Variants in MDGA2 observed in about 807,000 individuals in gnomAD.
MDGA2 encodes the protein MAM domain containing glycosylphosphatidylinositol anchor 2, also known as MAM domain-containing glycosylphosphatidylinositol anchor protein 2.
In MDGA2, 40 loss-of-function variants were observed where a neutral mutation model predicts 117.8. That is an observed-to-expected ratio of 0.34 (90% CI 0.26 to 0.44). The LOEUF (loss-of-function observed/expected upper bound fraction) is 0.44. Among genes scored for constraint, MDGA2 ranks in the 20% least tolerant of loss-of-function variants. The pLI, the probability that MDGA2 is intolerant of heterozygous loss-of-function variation, is 1.00. For synonymous variants in MDGA2, 452 were observed against 439.0 expected, an observed-to-expected ratio of 1.03 and a Z score of -0.37; for missense variants, 1,123 against 1,250.6, an observed-to-expected ratio of 0.90 and a Z score of 1.54.
At chr14:47,494,847 T>C (rs1420226445) in intron 1 of MDGA2, among the ~76,000 whole-genome samples, 1 of 150,376 alleles carries the variant, frequency 6.6e-6, no homozygotes, top group Non-Finnish European at 1.5e-5. Flanking sequence ...GAAGCATCTA[T>C]CAACTGTTGA....
chr14:47,419,187 G>C (rs972211691), intron 1 of MDGA2, among the ~76,000 whole-genome samples: 1 of 152,080 alleles, frequency 6.6e-6, no homozygotes, highest in Non-Finnish European at 1.5e-5. Flanking sequence ...AATGGCAAAG[G>C]ACTACCAAGA....
In MDGA2 at chr14:47,514,616, A is replaced by C. The variant is rs76515415; in HGVS notation, c.280+159901T>G. On this transcript the variant is annotated intron_variant, in intron 1 of 16. Coordinates refer to ENST00000399232, the MANE Select transcript of MDGA2 (RefSeq NM_001113498.3). ...CATTATATCTCATGCCTTGCAGTCC[A>C]TTTTATACAGACGGGGTCTTATTTT... 3.4e-4 allele frequency among the ~76,000 whole-genome samples: 52 copies of C among 152,232 alleles called. No homozygotes were observed. In the East Asian group the frequency reaches 9.9e-3, roughly 29 times the overall value.
chr14:47,442,728 T>A (rs1225368651), intron 1 of MDGA2, among the ~76,000 whole-genome samples: 1 of 152,116 alleles, frequency 6.6e-6, no homozygotes, highest in Non-Finnish European at 1.5e-5. Context: ...ACCACATCTG[T>A]GTATTCGAGC....
At position 47,387,251 on chromosome 14, in the gene MDGA2, G is replaced by A. The variant is rs529860978; in HGVS notation, c.281-85701C>T. Among the ~76,000 whole-genome samples the A allele has an allele frequency of 3.3e-5, 5 of 152,264 alleles. No homozygotes were observed. In the East Asian group the frequency reaches 7.7e-4, roughly 24 times the overall value. On this transcript the variant is annotated intron_variant, in intron 1 of 16. Coordinates refer to ENST00000399232, the MANE Select transcript of MDGA2 (RefSeq NM_001113498.3). ...GCATCCTTTCTTCAGTTCGCGAACA[G>A]GTTGTTTGAGACCAAGACAAACAGT...
At chr14:47,668,398 A>G (rs935487926) in intron 1 of MDGA2, among the ~76,000 whole-genome samples, 5 of 152,244 alleles carry the variant, frequency 3.3e-5, no homozygotes, top group Non-Finnish European at 5.9e-5. Flanking sequence ...CCTGGAGAAA[A>G]TAAGTTTCAC....
At chr14:47,374,267 A>G (rs970551485) in intron 1 of MDGA2, among the ~76,000 whole-genome samples, 8 of 152,130 alleles carry the variant, frequency 5.3e-5, no homozygotes, top group African/African-American at 1.7e-4. Context: ...GAGTGAAAGA[A>G]TAAATCTCAT....
chr14:47,522,470 A>G (rs1894891457), intron 1 of MDGA2, among the ~76,000 whole-genome samples: 1 of 152,144 alleles, frequency 6.6e-6, no homozygotes, highest in Non-Finnish European at 1.5e-5. Context: ...AAATAATTTT[A>G]TACATGCAGT....
At chr14:47,524,653 AT>A (rs1894935360) in intron 1 of MDGA2, among the ~76,000 whole-genome samples, 1 of 152,196 alleles carries the variant, frequency 6.6e-6, no homozygotes. Flanking sequence ...TTAATAATAT[AT>A]GTCCTGTCTT....
chr14:47,056,139 A>G (rs1357363936), intron 7 of MDGA2, among the ~76,000 whole-genome samples: 1 of 152,130 alleles, frequency 6.6e-6, no homozygotes, highest in Non-Finnish European at 1.5e-5. Flanking sequence ...AGTTTTAATC[A>G]GCAGAATTTC....
chr14:46,864,603 C>T (rs1249283813), intron 14 of MDGA2, among the ~76,000 whole-genome samples: 1 of 73,424 alleles, frequency 1.4e-5, no homozygotes, highest in African/African-American at 4.8e-5. Flanking sequence ...AACCCTGTGT[C>T]AAAAAAAAAA....
chr14:46,975,912 C>A (rs1480567121), intron 8 of MDGA2, among the ~76,000 whole-genome samples: 1 of 152,072 alleles, frequency 6.6e-6, no homozygotes, highest in Non-Finnish European at 1.5e-5. Context: ...CTCTTTTATA[C>A]AGGCACTAAT....
At chr14:47,610,887 A>G (rs922349176) in intron 1 of MDGA2, among the ~76,000 whole-genome samples, 1 of 152,142 alleles carries the variant, frequency 6.6e-6, no homozygotes, top group East Asian at 1.9e-4. Context: ...ACCAAAAAAG[A>G]GCCCGCATAG....
chr14:46,936,836 A>T (rs1179323322), intron 9 of MDGA2, among the ~76,000 whole-genome samples: 1 of 152,186 alleles, frequency 6.6e-6, no homozygotes, highest in African/African-American at 2.4e-5. Flanking sequence ...AGCTAACATC[A>T]TACTGAATGA....
intron 3 of MDGA2, among the ~76,000 whole-genome samples, chr14:47,172,914 G>T (rs538504228): frequency 1.3e-5 from 2 of 152,088 alleles, no homozygotes; most frequent in South Asian, 4.1e-4. Flanking sequence ...AAATTTAGAC[G>T]AATGGATAAC....
chr14:47,385,043 TATA>T (rs1891726553), intron 1 of MDGA2, among the ~76,000 whole-genome samples: 1 of 152,222 alleles, frequency 6.6e-6, no homozygotes, highest in Non-Finnish European at 1.5e-5. Flanking sequence ...TACCTGCTTA[TATA>T]ATCCTGGGTG....
intron 14 of MDGA2, among the ~76,000 whole-genome samples, chr14:46,863,763 T>A (rs545645146): frequency 5.0e-4 from 76 of 152,060 alleles, no homozygotes; most frequent in Non-Finnish European, 7.9e-4. Flanking sequence ...GGGACCATCA[T>A]CAATGAAGAA....
intron 1 of MDGA2, among the ~76,000 whole-genome samples, chr14:47,519,731 G>T (rs1374283521): frequency 2.2e-4 from 34 of 152,038 alleles, no homozygotes. Context: ...AAAAAATTAT[G>T]AGTTTACACC....
chr14:47,405,822 A>G (rs1379265128), intron 1 of MDGA2, among the ~76,000 whole-genome samples: 3 of 152,308 alleles, frequency 2.0e-5, no homozygotes, highest in Middle Eastern at 3.4e-3. Flanking sequence ...ATTTAATCAA[A>G]AGATTTACCT....
chr14:47,041,579 T>C (rs893551371), intron 7 of MDGA2, among the ~76,000 whole-genome samples: 1 of 152,048 alleles, frequency 6.6e-6, no homozygotes, highest in Non-Finnish European at 1.5e-5. Context: ...GCAGGAGATG[T>C]TATAATCAGA....
Sources: allele counts gnomAD v4.1 joint callset (sites outside exome capture counted in the v4.1 genomes callset), GRCh38; gene constraint gnomAD v4.1.1; transcripts MANE v1.5; gene names NCBI Gene and HGNC (gene_info 2026-07-23, HGNC 2026-07-21).